Variants in NTSR1 observed in about 807,000 individuals in gnomAD.
NTSR1 encodes neurotensin receptor type 1.
A neutral mutation model predicts 31.2 loss-of-function variants in NTSR1; 29 were observed. The observed-to-expected ratio is 0.93, with a 90% CI of 0.69 to 1.27. The LOEUF (loss-of-function observed/expected upper bound fraction) is 1.27, where lower values mean the gene tolerates loss of function less well. Among genes scored for constraint, NTSR1 ranks in the 50% most tolerant of loss-of-function variants. The pLI, the probability that NTSR1 is intolerant of heterozygous loss-of-function variation, is 0.00. For missense variants in NTSR1, 697 were observed against 595.4 expected, an observed-to-expected ratio of 1.17 and a Z score of -1.78; for synonymous variants, 282 against 269.9, an observed-to-expected ratio of 1.04 and a Z score of -0.44.
Position 62,744,128 on chromosome 20 carries a change from C to A in NTSR1, c.715-10557C>A, listed in dbSNP as rs1471219843. Among the ~76,000 whole-genome samples the A allele has an allele frequency of 6.6e-6, 1 of 152,218 alleles. No individual in the cohort carries two copies. Among genetic ancestry groups the A allele is most frequent in the Non-Finnish European group, 1.5e-5 (1 of 68,040 alleles). On this transcript the variant is annotated intron_variant, in intron 1 of 3. Coordinates refer to ENST00000370501, the MANE Select transcript of NTSR1 (RefSeq NM_002531.3). The surrounding 1 kb of genome is among the most constrained non-coding windows in gnomAD (Gnocchi z 4.1). Reference sequence around the variant, plus strand: ...ATAGGTCCAGCCCCACCAGCCGTCGCCCCAGCGTGTCCCATCCCAGCCTCC... The same window carrying A: ...ATAGGTCCAGCCCCACCAGCCGTCGACCCAGCGTGTCCCATCCCAGCCTCC...
rs371787678 is a variant in NTSR1, at chr20:62,709,606, C to T, written c.399C>T (p.Pro133=). Residue 133 remains proline, a synonymous_variant, in exon 1 of 4, where the codon CCC becomes CCT. Transcript: ENST00000370501. ...ACAACTTCATCTGGGTGCACCACCC[C>T]TGGGCCTTCGGCGACGCCGGCTGCC... ...ELYNFIWVHH[P]WAFGDAGCRG... is the part of the protein sequence containing the mutation. 1.2e-6 allele frequency: 2 copies of T among 1,611,696 alleles called. No individual in the cohort carries two copies. The highest frequency in any genetic ancestry group is 2.7e-5 in the African/African-American group (2 of 74,946).
At chr20:62,739,269 A>G (rs1242930804) in intron 1 of NTSR1, among the ~76,000 whole-genome samples, 3 of 152,122 alleles carry the variant, frequency 2.0e-5, no homozygotes, top group East Asian at 1.9e-4. Context: ...CCCACGTCCT[A>G]TGCTCTTGAG....
chr20:62,721,757 ACT>A (rs1386829741), intron 1 of NTSR1, among the ~76,000 whole-genome samples: 1 of 152,096 alleles, frequency 6.6e-6, no homozygotes, highest in East Asian at 1.9e-4. Flanking sequence ...TTCCTGTCAC[ACT>A]CTCTAGTTTC....
rs770085412 is a variant in NTSR1 at position 62,754,717 on chromosome 20, G to A, written c.747G>A (p.Met249Ile). 10 of 1,612,856 alleles carry A rather than the reference G, an allele frequency of 6.2e-6. No individual in the cohort carries two copies. In the South Asian group the frequency reaches 9.9e-5, roughly 16 times the overall value. ...VNTFMSFIFP[M>I]VVISVLNTII... is the part of the protein sequence containing the mutation. The stretch of plus-strand genomic sequence containing the variant: ...CCTTCATGTCCTTCATATTCCCCAT[G>A]GTGGTCATCTCGGTCCTGAACACCA... Residue 249 changes from methionine (M) to isoleucine (I), a missense_variant, in exon 2 of 4, where the codon ATG (methionine) becomes ATA (isoleucine). Physicochemically the swap from Met to Ile is conservative, Grantham distance 10. Transcript: ENST00000370501.
intron 1 of NTSR1, among the ~76,000 whole-genome samples, chr20:62,740,545 G>A (rs1471403614): frequency 6.6e-6 from 1 of 152,252 alleles, no homozygotes; most frequent in East Asian, 1.9e-4. Context: ...CAGGCGGGAG[G>A]GAAAAGGGTT....
chr20:62,721,541 T>G (rs1186160752), intron 1 of NTSR1, among the ~76,000 whole-genome samples: 2 of 152,266 alleles, frequency 1.3e-5, no homozygotes, highest in African/African-American at 4.8e-5. Context: ...GGCCTGTTTT[T>G]GGGTCTTTTG....
At position 62,709,596 on chromosome 20, in the gene NTSR1, T is replaced by C. The variant is rs780309374; in HGVS notation, c.389T>C (p.Val130Ala). ...GTGGAGCTGTACAACTTCATCTGGGTGCACCACCCCTGGGCCTTCGGCGAC... is the reference window on the plus strand; with the variant it reads ...GTGGAGCTGTACAACTTCATCTGGGCGCACCACCCCTGGGCCTTCGGCGAC... ...MPVELYNFIW[V>A]HHPWAFGDAG... The change falls in exon 1 of 4, where the codon GTG (valine) becomes GCG (alanine). Residue 130 changes from valine (V) to alanine (A), a missense_variant. Coordinates refer to ENST00000370501, the MANE Select transcript of NTSR1 (RefSeq NM_002531.3). 1 of 1,611,622 alleles carries C rather than the reference T, an allele frequency of 6.2e-7. No individual in the cohort carries two copies. The highest frequency in any genetic ancestry group is 1.3e-5 in the African/African-American group (1 of 75,056).
In NTSR1 at chr20:62,709,254, C is replaced by A. The variant is rs1325827163; in HGVS notation, c.47C>A (p.Ala16Asp). Residue 16 changes from alanine (A) to aspartate (D), a missense_variant, in exon 1 of 4, where the codon GCC becomes GAC. By Grantham distance (126) the Ala-to-Asp change is moderately radical (BLOSUM62 -2). Coordinates refer to ENST00000370501, the MANE Select transcript of NTSR1 (RefSeq NM_002531.3). ...SAPGTPGTPA[A>D]DPFQRAQAGL... The stretch of plus-strand genomic sequence containing the variant: ...CCGGGAACCCCGGGCACGCCGGCCG[C>A]CGACCCCTTCCAGCGGGCGCAGGCC... The A allele has an allele frequency of 6.5e-7, 1 of 1,530,796 alleles. No homozygotes were observed. Among genetic ancestry groups the A allele is most frequent in the Non-Finnish European group, 8.7e-7 (1 of 1,145,126 alleles). 94.8% of individuals were successfully genotyped at this position (1,530,796 alleles called of 1,614,324 possible).
chr20:62,732,895 C>T lies in NTSR1; in HGVS notation c.715-21790C>T, dbSNP rs932724963. ...TTGCTTTTCCTCGGGCTCTCCCTGC[C>T]TGGGCCTGGAGGACCACAGCGGGCA... is the stretch of plus-strand genomic sequence containing the variant. On this transcript the variant is annotated intron_variant, in intron 1 of 3. Transcript: ENST00000370501. This position sits in a 1 kb window ranked among gnomAD's most constrained non-coding sequence, Gnocchi z 4.0. The T allele has an allele frequency of 6.6e-6, 1 of 152,196 alleles. No homozygotes were observed. The highest frequency in any genetic ancestry group is 2.4e-5 in the African/African-American group (1 of 41,440). The allele number at this position is 152,196 out of a possible 1,614,324, so 9.4% of individuals were successfully genotyped here. A position where few individuals can be genotyped will look rare whatever the true frequency, so the allele number is the denominator to read the frequency against.
rs939807065 is a variant in NTSR1 at position 62,721,259 on chromosome 20, A to G, written c.714+11338A>G. On this transcript the variant is annotated intron_variant, in intron 1 of 3. Transcript: ENST00000370501. Reference sequence around the variant, plus strand: ...TTTCAAGAGAGTTACCTTTACCTCAAGGAGCATGGTTGTAATGCCTGCTTT... The same window carrying G: ...TTTCAAGAGAGTTACCTTTACCTCAGGGAGCATGGTTGTAATGCCTGCTTT... Among the ~76,000 whole-genome samples the G allele has an allele frequency of 2.6e-5, 4 of 152,188 alleles. No individual in the cohort carries two copies. In the East Asian group the frequency reaches 7.7e-4, roughly 29 times the overall value.
In NTSR1 at chr20:62,714,528, G is replaced by A. The variant is rs56053381; in HGVS notation, c.714+4607G>A. On this transcript the variant is annotated intron_variant, in intron 1 of 3. Coordinates refer to ENST00000370501, the MANE Select transcript of NTSR1 (RefSeq NM_002531.3). The surrounding 1 kb of genome is among the most constrained non-coding windows in gnomAD (Gnocchi z 4.1). ...GATTCTTGACAGCTGCTGGGGTCAC[G>A]AAGGGGAGAGAGTTAGGTGTGAGGT... Among the ~76,000 whole-genome samples the A allele has an allele frequency of 8.3e-3, 1,257 of 152,286 alleles. 21 individuals are homozygous for A. Among genetic ancestry groups the A allele is most frequent in the African/African-American group, 0.029 (1,205 of 41,546 alleles).
rs1989284813 is a variant in NTSR1 at position 62,745,501 on chromosome 20, GAC to G, written c.715-9180_715-9179del. Among the ~76,000 whole-genome samples the G allele has an allele frequency of 6.6e-6, 1 of 151,966 alleles. No individual in the cohort carries two copies. The highest frequency in any genetic ancestry group is 2.4e-5 in the African/African-American group (1 of 41,344). On this transcript the variant is annotated intron_variant, in intron 1 of 3. Transcript: ENST00000370501. This position sits in a 1 kb window ranked among gnomAD's most constrained non-coding sequence, Gnocchi z 4.1. ...CAACAGAGACACACAGACAGAGACA[GAC>G]ACAGGAAAACAGTGAAAGACAGAGA... is the stretch of plus-strand genomic sequence containing the variant.
chr20:62,752,717 C>T (rs1267800105), intron 1 of NTSR1, among the ~76,000 whole-genome samples: 1 of 152,146 alleles, frequency 6.6e-6, no homozygotes, highest in Admixed American at 6.5e-5. Flanking sequence ...TTTAAACTAT[C>T]CCCGGGCTGC....
chr20:62,736,236 A>G (rs958199536), intron 1 of NTSR1, among the ~76,000 whole-genome samples: 1 of 152,034 alleles, frequency 6.6e-6, no homozygotes, highest in Admixed American at 6.6e-5. Flanking sequence ...GCAGGGCGGG[A>G]AGGGAAGCCA....
chr20:62,723,287 A>G (rs532762284), intron 1 of NTSR1, among the ~76,000 whole-genome samples: 3 of 152,314 alleles, frequency 2.0e-5, no homozygotes, highest in South Asian at 4.1e-4. Flanking sequence ...ACTGCTCACA[A>G]CAGCCGTGGG....
At chr20:62,736,955 G>A (rs1422476963) in intron 1 of NTSR1, among the ~76,000 whole-genome samples, 2 of 152,202 alleles carry the variant, frequency 1.3e-5, no homozygotes, top group East Asian at 1.9e-4. Context: ...CACTCACACC[G>A]TCCTGCTGCC....
intron 2 of NTSR1, 79 bp downstream of exon 2, chr20:62,754,965 C>T: frequency 7.3e-7 from 1 of 1,372,194 alleles, no homozygotes; most frequent in Admixed American, 2.1e-5. Flanking sequence ...CCACCCCAAG[C>T]CTGGGCAAGG....
intron 1 of NTSR1, among the ~76,000 whole-genome samples, chr20:62,710,357 T>G (rs1247242823): frequency 6.6e-6 from 1 of 152,182 alleles, no homozygotes. Context: ...TGACCCAAAC[T>G]TGGGAGTCAG....
At chr20:62,716,650 G>A (rs1437575885) in intron 1 of NTSR1, among the ~76,000 whole-genome samples, 4 of 72,432 alleles carry the variant, frequency 5.5e-5, no homozygotes, top group East Asian at 1.5e-3. Context: ...CCGAGCTGCC[G>A]TCCGCTCAAG....
Sources: allele counts gnomAD v4.1 joint callset (sites outside exome capture counted in the v4.1 genomes callset), GRCh38; gene constraint gnomAD v4.1.1; non-coding constraint Gnocchi (gnomAD v3.1); transcripts MANE v1.5; gene names NCBI Gene and HGNC (gene_info 2026-07-23, HGNC 2026-07-21).